Variants in EXPH5 observed in about 807,000 individuals in gnomAD.
The protein encoded by EXPH5 is exophilin-5.
EXPH5 carries 42 observed loss-of-function variants against 41.1 expected under a neutral mutation model. The observed-to-expected ratio is 1.02, with a 90% CI of 0.80 to 1.32. EXPH5 has a LOEUF of 1.32. EXPH5 is among the 40% of genes most tolerant of loss of function. EXPH5 has a pLI of 0.00. For missense variants in EXPH5, 2,298 were observed against 2,314.5 expected (o/e 0.99, Z 0.15); for synonymous variants, 798 against 833.5 (o/e 0.96, Z 0.73).
At chr11:108,580,770 A>G (rs1277232199) in intron 1 of EXPH5, among the ~76,000 whole-genome samples, 1 of 152,210 alleles carries the variant, frequency 6.6e-6, no homozygotes, top group Non-Finnish European at 1.5e-5. Context: ...ATGAAACTGG[A>G]TGACATTATG....
intron 1 of EXPH5, among the ~76,000 whole-genome samples, chr11:108,568,813 C>T (rs1291780077): frequency 6.6e-6 from 1 of 152,134 alleles, no homozygotes; most frequent in Non-Finnish European, 1.5e-5. Context: ...TTCGACTTTC[C>T]AAATATTTAT....
intron 2 of EXPH5, among the ~76,000 whole-genome samples, chr11:108,540,892 G>C (rs575820362): frequency 1.3e-5 from 2 of 149,156 alleles, no homozygotes; most frequent in East Asian, 4.4e-4. Context: ...CCCTGTTCCA[G>C]CTTAATATTC....
At chr11:108,597,728 T>C (rs1205085632), upstream of EXPH5, among the ~76,000 whole-genome samples, 12 of 152,044 alleles carry the variant, frequency 7.9e-5, no homozygotes, top group Non-Finnish European at 1.6e-4. Flanking sequence ...TTCTAGTTGA[T>C]ACAATAGGGA....
At chr11:108,544,949 T>C (rs1178317647) in intron 1 of EXPH5, among the ~76,000 whole-genome samples, 2 of 152,206 alleles carry the variant, frequency 1.3e-5, no homozygotes, top group Non-Finnish European at 2.9e-5. Context: ...TTATGTACAA[T>C]ATATGGAGCT....
intron 1 of EXPH5, among the ~76,000 whole-genome samples, chr11:108,548,349 T>C (rs1481951784): frequency 6.6e-6 from 1 of 152,130 alleles, no homozygotes; most frequent in Non-Finnish European, 1.5e-5. Context: ...AAAACATAAA[T>C]AATCCATGGA....
chr11:108,543,797 A>T (rs2093925065), intron 1 of EXPH5, among the ~76,000 whole-genome samples: 1 of 152,216 alleles, frequency 6.6e-6, no homozygotes, highest in Non-Finnish European at 1.5e-5. Context: ...ACAGCAATCA[A>T]CATGTTCAAC....
chr11:108,550,401 G>A (rs1245582155), intron 1 of EXPH5, among the ~76,000 whole-genome samples: 5 of 152,092 alleles, frequency 3.3e-5, no homozygotes, highest in African/African-American at 9.7e-5. Context: ...AGTGATCCCC[G>A]GCAACCCACC....
At chr11:108,576,814 AC>A (rs1353937239) in intron 1 of EXPH5, among the ~76,000 whole-genome samples, 2 of 152,180 alleles carry the variant, frequency 1.3e-5, no homozygotes, top group African/African-American at 4.8e-5. Context: ...GTGCTATCAA[AC>A]ACTAGATATT....
intron 1 of EXPH5, among the ~76,000 whole-genome samples, chr11:108,585,887 T>C (rs970002201): frequency 2.0e-5 from 3 of 152,228 alleles, no homozygotes; most frequent in African/African-American, 7.2e-5. Flanking sequence ...ATCCATATAA[T>C]GAAATACTAA....
intron 1 of EXPH5, among the ~76,000 whole-genome samples, chr11:108,584,175 T>G (rs115264411): frequency 2.2e-3 from 335 of 152,322 alleles, no homozygotes; most frequent in African/African-American, 7.7e-3. Context: ...GGTTGTTGTA[T>G]GTATAAATAA....
intron 4 of EXPH5, among the ~76,000 whole-genome samples, chr11:108,521,917 T>G (rs2093767395): frequency 2.0e-5 from 3 of 152,312 alleles, no homozygotes; most frequent in Middle Eastern, 6.8e-3. Flanking sequence ...TCCTTTGTAA[T>G]GATAATATAC....
At chr11:108,602,648 G>A in the EXPH5 span, among the ~76,000 whole-genome samples, 1 of 151,842 alleles carries the variant, frequency 6.6e-6, no homozygotes, top group Admixed American at 6.6e-5. Context: ...AGGGGCTCAA[G>A]CGAGTCTACC....
chr11:108,524,107 T>C (rs988545919), intron 4 of EXPH5, among the ~76,000 whole-genome samples: 2 of 151,534 alleles, frequency 1.3e-5, no homozygotes, highest in Non-Finnish European at 2.9e-5. Flanking sequence ...AGATTTGTAA[T>C]ATTAGGACTC....
At chr11:108,569,574 C>T (rs1488194195) in intron 1 of EXPH5, among the ~76,000 whole-genome samples, 3 of 152,134 alleles carry the variant, frequency 2.0e-5, no homozygotes, top group African/African-American at 7.2e-5. Flanking sequence ...CTCCTCACCT[C>T]GTGATCCGCC....
the EXPH5 span, among the ~76,000 whole-genome samples, chr11:108,605,460 G>A: frequency 6.6e-6 from 1 of 152,168 alleles, no homozygotes; most frequent in African/African-American, 2.4e-5. Context: ...GCCAATGTCT[G>A]GAGACATTTT....
At chr11:108,538,133 G>T (rs2093891152) in intron 3 of EXPH5, 2 of 985,450 alleles carry the variant, frequency 2.0e-6, no homozygotes, top group East Asian at 2.3e-4. Flanking sequence ...AAATCCAGCA[G>T]CCTCATCACA....
intron 1 of EXPH5, among the ~76,000 whole-genome samples, chr11:108,589,588 C>T (rs1485371975): frequency 2.0e-5 from 3 of 152,154 alleles, no homozygotes; most frequent in Admixed American, 2.0e-4. Context: ...CTCCAGGCAC[C>T]GTAACATCTG....
intron 3 of EXPH5, among the ~76,000 whole-genome samples, chr11:108,529,771 G>A (rs1363903706): frequency 6.6e-6 from 1 of 151,692 alleles, no homozygotes. Flanking sequence ...TTGAACCTGG[G>A]AGGCAGAGGT....
chr11:108,511,708 G>A lies in EXPH5; in HGVS notation c.3799C>T (p.Leu1267Phe). 6.2e-7 allele frequency: 1 copy of A among 1,607,818 alleles called. No individual in the cohort carries two copies. Among genetic ancestry groups the A allele is most frequent in the Non-Finnish European group, 8.5e-7 (1 of 1,178,412 alleles). ...PRKPSKKFCN[L>F]LQQYTQNTNL... is the part of the protein sequence containing the mutation. Reference sequence around the variant, plus strand: ...GTATTTTGTGTATACTGTTGAAGGAGGTTACAGAATTTTTTGCTGGGTTTC... The same window carrying A: ...GTATTTTGTGTATACTGTTGAAGGAAGTTACAGAATTTTTTGCTGGGTTTC... The change falls in exon 6 of 6, where the codon CTC becomes TTC. Residue 1267 changes from leucine (L) to phenylalanine (F), a missense_variant. Leu to Phe is a conservative substitution (Grantham distance 22). Transcript: ENST00000265843.
Sources: allele counts gnomAD v4.1 joint callset (sites outside exome capture counted in the v4.1 genomes callset), GRCh38; gene constraint gnomAD v4.1.1; transcripts MANE v1.5; gene names NCBI Gene and HGNC (gene_info 2026-07-23, HGNC 2026-07-21).